Variants in CSMD1 observed in about 807,000 individuals in gnomAD.
CSMD1 encodes CUB and sushi domain-containing protein 1.
Under a neutral mutation model 417.5 loss-of-function variants are expected in CSMD1, and 213 were observed. The observed-to-expected ratio is 0.51, with a 90% CI of 0.46 to 0.57. The LOEUF (loss-of-function observed/expected upper bound fraction) is 0.57, where lower values mean the gene tolerates loss of function less well. Among genes scored for constraint, CSMD1 ranks in the 20% least tolerant of loss-of-function variants. The pLI, the probability that CSMD1 is intolerant of heterozygous loss-of-function variation, is 0.00. For synonymous variants in CSMD1, 2,862 were observed against 1,736.8 expected, an observed-to-expected ratio of 1.65 and a Z score of -16.11; for missense variants, 6,923 against 4,529.7, an observed-to-expected ratio of 1.53 and a Z score of -15.17.
Position 4,455,929 on chromosome 8 carries a change from C to CAAAAAAAAA in CSMD1, c.303-35873_303-35865dup, listed in dbSNP as rs71207091. ...GGGTGACAAAGTGAGACTCCAACTC[C>CAAAAAAAAA]AAAAAAAAAAAAAAAAAAAAAAAAA... is the stretch of plus-strand genomic sequence containing the variant. On this transcript the variant is annotated intron_variant, in intron 2 of 69. Coordinates refer to ENST00000635120, the MANE Select transcript of CSMD1 (RefSeq NM_033225.6). Among the ~76,000 whole-genome samples the CAAAAAAAAA allele has an allele frequency of 6.3e-3, 73 of 11,640 alleles. 12 individuals carry two copies. Among genetic ancestry groups the CAAAAAAAAA allele is most frequent in the East Asian group, 0.037 (5 of 134 alleles). 7.6% of individuals were successfully genotyped at this position (11,640 alleles called of 152,430 possible). A position where few individuals can be genotyped will look rare whatever the true frequency, so the allele number is the denominator to read the frequency against.
chr8:3,847,756 A>C lies in CSMD1; in HGVS notation c.819-93714T>G, dbSNP rs150837448. ...TCCCTGACACTGCAGTTCCAGCTCC[A>C]TATGTTCCTTTTTATCATAAGTGAT... On this transcript the variant is annotated intron_variant, in intron 5 of 69. Coordinates refer to ENST00000635120, the MANE Select transcript of CSMD1 (RefSeq NM_033225.6). Among the ~76,000 whole-genome samples, 308 of 152,264 alleles carry C rather than the reference A, an allele frequency of 2.0e-3. 1 individual carries two copies. The highest frequency in any genetic ancestry group is 7.1e-3 in the African/African-American group (296 of 41,562).
rs958649619 is a variant in CSMD1, at chr8:3,834,763, T to C, written c.819-80721A>G. On this transcript the variant is annotated intron_variant, in intron 5 of 69. Coordinates refer to ENST00000635120, the MANE Select transcript of CSMD1 (RefSeq NM_033225.6). ...CGGAGGTGGAGCCAAGATGGCGGAA[T>C]AGGAAGAGCTCAAGGCAACCTACAA... 5.3e-5 allele frequency among the ~76,000 whole-genome samples: 8 copies of C among 151,988 alleles called. No individual in the cohort carries two copies. The South Asian group carries it at 6.2e-4, about 12-fold the overall frequency.
At chr8:3,598,983 A>C (rs550097034) in intron 8 of CSMD1, among the ~76,000 whole-genome samples, 6 of 152,270 alleles carry the variant, frequency 3.9e-5, no homozygotes, top group African/African-American at 1.2e-4. Flanking sequence ...CAGGAGGCTG[A>C]GAGAGGAGAA....
chr8:3,648,765 C>A (rs1468691127), intron 7 of CSMD1, among the ~76,000 whole-genome samples: 1 of 152,124 alleles, frequency 6.6e-6, no homozygotes, highest in Non-Finnish European at 1.5e-5. Context: ...ATAAAGTAAG[C>A]AGTATGCATT....
intron 12 of CSMD1, among the ~76,000 whole-genome samples, chr8:3,428,612 G>T (rs1193470707): frequency 6.6e-6 from 1 of 152,106 alleles, no homozygotes; most frequent in Non-Finnish European, 1.5e-5. Context: ...AGTGAGGGTG[G>T]AACTTAGTAC....
At chr8:3,505,198 G>T (rs950576976) in intron 10 of CSMD1, among the ~76,000 whole-genome samples, 5 of 151,998 alleles carry the variant, frequency 3.3e-5, no homozygotes, top group Non-Finnish European at 5.9e-5. Flanking sequence ...GAGAGACTGG[G>T]AATGTAAAAG....
At chr8:4,969,226 C>G (rs530749013) in intron 1 of CSMD1, among the ~76,000 whole-genome samples, 3 of 152,174 alleles carry the variant, frequency 2.0e-5, no homozygotes, top group South Asian at 2.1e-4. Context: ...ACTTGTACAA[C>G]AAACCTAATG....
At chr8:2,953,486 T>G (rs1177508990) in intron 65 of CSMD1, among the ~76,000 whole-genome samples, 2 of 148,342 alleles carry the variant, frequency 1.3e-5, no homozygotes, top group African/African-American at 4.9e-5. Context: ...AAAACCTGAA[T>G]AAAGAAAGTA....
chr8:3,049,439 A>T (rs1255184836), intron 50 of CSMD1, among the ~76,000 whole-genome samples: 1 of 152,160 alleles, frequency 6.6e-6, no homozygotes, highest in Non-Finnish European at 1.5e-5. Flanking sequence ...AAAATCATGG[A>T]GGAAACTTAA....
intron 36 of CSMD1, among the ~76,000 whole-genome samples, chr8:3,185,920 G>T (rs919319203): frequency 6.6e-6 from 1 of 151,990 alleles, no homozygotes; most frequent in Non-Finnish European, 1.5e-5. Context: ...CAGACTGCAT[G>T]GCTCCCGTGA....
intron 22 of CSMD1, among the ~76,000 whole-genome samples, chr8:3,347,104 T>G (rs1404772765): frequency 6.6e-6 from 1 of 152,250 alleles, no homozygotes; most frequent in South Asian, 2.1e-4. Flanking sequence ...CATCTCATAA[T>G]GTTTTAAATA....
chr8:4,203,911 G>A (rs1160013252), intron 3 of CSMD1, among the ~76,000 whole-genome samples: 2 of 152,066 alleles, frequency 1.3e-5, no homozygotes, highest in Admixed American at 1.3e-4. Flanking sequence ...GGCCAGCCTG[G>A]GAAATATGGC....
intron 5 of CSMD1, among the ~76,000 whole-genome samples, chr8:3,965,353 G>T (rs1375920764): frequency 6.6e-6 from 1 of 152,152 alleles, no homozygotes; most frequent in African/African-American, 2.4e-5. Flanking sequence ...ATAAGACAAT[G>T]TTTTGAAGAG....
chr8:4,754,236 A>T (rs1459080730), intron 1 of CSMD1, among the ~76,000 whole-genome samples: 3 of 152,176 alleles, frequency 2.0e-5, no homozygotes, highest in Non-Finnish European at 4.4e-5. Context: ...TGCCATTTCC[A>T]TGTCTCAGAG....
intron 1 of CSMD1, among the ~76,000 whole-genome samples, chr8:4,944,996 C>T (rs1349741657): frequency 6.6e-6 from 1 of 152,146 alleles, no homozygotes; most frequent in Non-Finnish European, 1.5e-5. Flanking sequence ...AGAGGTGGAA[C>T]CAACCCGTGT....
intron 2 of CSMD1, among the ~76,000 whole-genome samples, chr8:4,618,404 T>G (rs1031169849): frequency 6.6e-6 from 1 of 152,082 alleles, no homozygotes; most frequent in Non-Finnish European, 1.5e-5. Context: ...TTTCTGAGAT[T>G]TGAACAGAAG....
At position 4,964,044 on chromosome 8, in the gene CSMD1, G is replaced by C. The variant is rs139514338; in HGVS notation, c.85+30288C>G. On this transcript the variant is annotated intron_variant, in intron 1 of 69. Transcript: ENST00000635120. ...TATAAAATTTCTTATTATCTTGATA[G>C]CTGGGTGAATCTGGCAAGACATATC... Among the ~76,000 whole-genome samples the C allele has an allele frequency of 3.9e-4, 60 of 152,214 alleles. No homozygotes were observed. The South Asian group carries it at 7.3e-3, about 18-fold the overall frequency.
At chr8:4,206,346 C>T (rs781153375) in intron 3 of CSMD1, among the ~76,000 whole-genome samples, 1 of 151,944 alleles carries the variant, frequency 6.6e-6, no homozygotes, top group African/African-American at 2.4e-5. Flanking sequence ...CCTTTCCCCT[C>T]CCCCCAACCC....
chr8:3,504,808 A>C (rs1238154123), intron 10 of CSMD1, among the ~76,000 whole-genome samples: 1 of 152,192 alleles, frequency 6.6e-6, no homozygotes, highest in African/African-American at 2.4e-5. Flanking sequence ...TTGAGGAGTA[A>C]GGTGAGATTC....
Sources: allele counts gnomAD v4.1 joint callset (sites outside exome capture counted in the v4.1 genomes callset), GRCh38; gene constraint gnomAD v4.1.1; transcripts MANE v1.5; gene names NCBI Gene and HGNC (gene_info 2026-07-23, HGNC 2026-07-21).